The following GABRG3 variants were observed in gnomAD, a reference collection of about 807,000 sequenced individuals.
The protein encoded by GABRG3 is gamma-aminobutyric acid type A receptor subunit gamma3.
Under a neutral mutation model 48.8 loss-of-function variants are expected in GABRG3, and 25 were observed. The ratio of observed to expected loss-of-function variants is 0.51; its 90% CI spans 0.37 to 0.72. GABRG3 has a LOEUF of 0.72. Ranked by LOEUF, GABRG3 falls within the 30% of genes least tolerant of loss-of-function variation. The probability of loss-of-function intolerance (pLI) is 0.00; values close to 1 mark genes in which losing one functional copy is unlikely to be tolerated. For synonymous variants in GABRG3, 227 were observed against 217.6 expected (o/e 1.04, Z -0.38); for missense variants, 394 against 577.9 (o/e 0.68, Z 3.26).
chr15:27,499,889 G>A (rs1566868391), intron 6 of GABRG3, among the ~76,000 whole-genome samples: 1 of 152,208 alleles, frequency 6.6e-6, no homozygotes, highest in Non-Finnish European at 1.5e-5. Flanking sequence ...GATGGGAGGA[G>A]CTTGCCAGGC....
chr15:27,304,172 C>A (rs1482513469), intron 3 of GABRG3, among the ~76,000 whole-genome samples: 1 of 151,818 alleles, frequency 6.6e-6, no homozygotes, highest in East Asian at 1.9e-4. Flanking sequence ...AGCTTAGTGG[C>A]AAACTCAACA....
intron 3 of GABRG3, among the ~76,000 whole-genome samples, chr15:27,317,300 A>T (rs1893264915): frequency 6.6e-6 from 1 of 152,064 alleles, no homozygotes; most frequent in Non-Finnish European, 1.5e-5. Context: ...CCCCAATTCC[A>T]TGGCAGGGAC....
intron 2 of GABRG3, among the ~76,000 whole-genome samples, chr15:26,991,248 C>T (rs1358369293): frequency 6.6e-6 from 1 of 152,032 alleles, no homozygotes; most frequent in East Asian, 1.9e-4. Context: ...GATTTGTTTC[C>T]AGGTCCTCTA....
intron 5 of GABRG3, among the ~76,000 whole-genome samples, chr15:27,362,133 G>A (rs1895044692): frequency 6.6e-6 from 1 of 152,190 alleles, no homozygotes; most frequent in African/African-American, 2.4e-5. Flanking sequence ...TAGACTGGAT[G>A]TTCTCCCAAG....
At chr15:27,035,365 C>T (rs149738873) in intron 3 of GABRG3, among the ~76,000 whole-genome samples, 67 of 152,222 alleles carry the variant, frequency 4.4e-4, no homozygotes, top group African/African-American at 1.5e-3. Flanking sequence ...GATAAGACAC[C>T]GGATCTTTGT....
intron 5 of GABRG3, among the ~76,000 whole-genome samples, chr15:27,369,603 G>T (rs920023467): frequency 6.6e-6 from 1 of 152,014 alleles, no homozygotes; most frequent in Non-Finnish European, 1.5e-5. Context: ...GGATCATGAG[G>T]TCAGGAGATC....
intron 3 of GABRG3, among the ~76,000 whole-genome samples, chr15:27,029,704 G>A (rs2140685328): frequency 6.6e-6 from 1 of 152,182 alleles, no homozygotes; most frequent in East Asian, 1.9e-4. Flanking sequence ...GGCCTGCTTT[G>A]GTGGGGCAAG....
intron 3 of GABRG3, among the ~76,000 whole-genome samples, chr15:27,326,373 G>A (rs1214597553): frequency 1.3e-5 from 2 of 152,176 alleles, no homozygotes; most frequent in Non-Finnish European, 2.9e-5. Context: ...GGCACTAAGG[G>A]TGCTCATTTA....
intron 3 of GABRG3, among the ~76,000 whole-genome samples, chr15:27,287,737 CTTT>C (rs61469529): frequency 3.2e-5 from 4 of 123,282 alleles, no homozygotes; most frequent in East Asian, 2.4e-4. Flanking sequence ...TTTGCTGTGT[CTTT>C]TTTTTTTTTT....
intron 3 of GABRG3, among the ~76,000 whole-genome samples, chr15:27,083,619 C>A (rs1897027180): frequency 6.6e-6 from 1 of 152,112 alleles, no homozygotes. Context: ...AACCACCGTG[C>A]CCAGCCAACT....
intron 3 of GABRG3, among the ~76,000 whole-genome samples, chr15:27,270,732 A>G (rs1354177289): frequency 1.3e-5 from 2 of 152,222 alleles, no homozygotes; most frequent in Non-Finnish European, 2.9e-5. Flanking sequence ...ATGTAACTCT[A>G]AGAGTTATCA....
intron 3 of GABRG3, among the ~76,000 whole-genome samples, chr15:27,266,669 A>G (rs1480397691): frequency 2.6e-5 from 4 of 152,198 alleles, no homozygotes; most frequent in Middle Eastern, 3.2e-3. Flanking sequence ...AACACAGTCT[A>G]TTCCTCCATT....
At chr15:27,270,425 C>G (rs1037757781) in intron 3 of GABRG3, among the ~76,000 whole-genome samples, 2 of 152,156 alleles carry the variant, frequency 1.3e-5, no homozygotes, top group African/African-American at 4.8e-5. Flanking sequence ...ACTCAGAAAT[C>G]ATAGCCAGAC....
At position 27,075,166 on chromosome 15, in the gene GABRG3, TTAA is replaced by T. The variant is rs531646929; in HGVS notation, c.270+48350_270+48352del. On this transcript the variant is annotated intron_variant, in intron 3 of 9. Coordinates refer to ENST00000615808, the MANE Select transcript of GABRG3 (RefSeq NM_033223.5). ...TTGTTTAGAGTAATATAACTGACTA[TTAA>T]TAATTCTTAAGATGAGGTGAAAATT... is the stretch of plus-strand genomic sequence containing the variant. Among the ~76,000 whole-genome samples the T allele has an allele frequency of 1.3e-3, 200 of 152,350 alleles. 3 individuals carry two copies. Among genetic ancestry groups the T allele is most frequent in the Middle Eastern group, 6.8e-3 (2 of 294 alleles).
intron 5 of GABRG3, among the ~76,000 whole-genome samples, chr15:27,418,418 G>A (rs975447849): frequency 6.6e-6 from 1 of 152,180 alleles, no homozygotes; most frequent in Non-Finnish European, 1.5e-5. Context: ...CTTTGCACCT[G>A]AGCTCCTCCA....
rs1389393104 is a variant in GABRG3, at chr15:27,306,476, A to G, written c.271-20333A>G. On this transcript the variant is annotated intron_variant, in intron 3 of 9. Transcript: ENST00000615808. The stretch of plus-strand genomic sequence containing the variant: ...CATATAAACATAAACATGTCTATAT[A>G]TAAACATATATATAATATAAACATA... Among the ~76,000 whole-genome samples the G allele has an allele frequency of 3.6e-5, 5 of 140,464 alleles. 2 individuals are homozygous for G. The highest frequency in any genetic ancestry group is 1.3e-4 in the African/African-American group (5 of 38,306). 92.1% of individuals were successfully genotyped at this position (140,464 alleles called of 152,430 possible). A position where few individuals can be genotyped will look rare whatever the true frequency, so the allele number is the denominator to read the frequency against.
chr15:27,286,149 C>A (rs1435846303), intron 3 of GABRG3, among the ~76,000 whole-genome samples: 1 of 152,200 alleles, frequency 6.6e-6, no homozygotes, highest in Non-Finnish European at 1.5e-5. Context: ...ACTCATCAAG[C>A]ATTTTCTGAA....
At chr15:27,278,390 A>G (rs1251693422) in intron 3 of GABRG3, among the ~76,000 whole-genome samples, 4 of 152,036 alleles carry the variant, frequency 2.6e-5, no homozygotes, top group African/African-American at 4.8e-5. Context: ...TGTAACCACC[A>G]CTACAGAGGA....
At chr15:27,003,892 C>T (rs1428050833) in intron 2 of GABRG3, among the ~76,000 whole-genome samples, 6 of 145,584 alleles carry the variant, frequency 4.1e-5, no homozygotes, top group African/African-American at 7.8e-5. Context: ...GGCGGCTGGC[C>T]GGGCAGAGGG....
Sources: allele counts gnomAD v4.1 joint callset (sites outside exome capture counted in the v4.1 genomes callset), GRCh38; gene constraint gnomAD v4.1.1; transcripts MANE v1.5; gene names NCBI Gene and HGNC (gene_info 2026-07-23, HGNC 2026-07-21).